PCDH9: variants seen among roughly 807,000 people sequenced by gnomAD.
The protein encoded by PCDH9 is protocadherin-9.
Under a neutral mutation model 70.6 loss-of-function variants are expected in PCDH9, and 24 were observed. The observed-to-expected ratio is 0.34, with a 90% confidence interval of 0.25 to 0.48. The LOEUF (loss-of-function observed/expected upper bound fraction) is 0.48, where lower values mean the gene tolerates loss of function less well. PCDH9 is among the 20% of genes least tolerant of loss of function. PCDH9 has a pLI of 0.99. For missense variants in PCDH9, 1,281 were observed against 1,503.6 expected (o/e 0.85, Z 2.45); for synonymous variants, 562 against 558.5 (o/e 1.01, Z -0.09).
intron 2 of PCDH9, among the ~76,000 whole-genome samples, chr13:67,084,364 T>C (rs528293586): frequency 3.3e-4 from 51 of 152,284 alleles, no homozygotes; most frequent in African/African-American, 1.1e-3. Flanking sequence ...TGACATTCTC[T>C]TCTGCTGATC....
intron 3 of PCDH9, among the ~76,000 whole-genome samples, chr13:66,808,167 A>T (rs1200766067): frequency 1.3e-5 from 2 of 152,212 alleles, no homozygotes; most frequent in African/African-American, 4.8e-5. Flanking sequence ...CATAGTCCAT[A>T]AGTCCATTTT....
At chr13:66,416,085 T>C (rs1338389462) in intron 4 of PCDH9, among the ~76,000 whole-genome samples, 2 of 152,164 alleles carry the variant, frequency 1.3e-5, no homozygotes, top group East Asian at 3.9e-4. Flanking sequence ...TTCAGTGAAG[T>C]CCAAACTGTT....
At chr13:66,370,844 C>T (rs538121438) in intron 4 of PCDH9, among the ~76,000 whole-genome samples, 24 of 152,114 alleles carry the variant, frequency 1.6e-4, no homozygotes, top group African/African-American at 5.5e-4. Context: ...ATAAACTCTT[C>T]CTTGCTATTT....
intron 2 of PCDH9, among the ~76,000 whole-genome samples, chr13:66,909,641 C>T (rs995329621): frequency 5.3e-5 from 8 of 151,894 alleles, no homozygotes; most frequent in East Asian, 1.9e-4. Flanking sequence ...TGGTGGCGGG[C>T]GCCTGTAGTC....
chr13:67,228,219 AGGG>A lies in PCDH9; in HGVS notation c.219_221del (p.Pro74del), dbSNP rs1481705858. On this transcript the variant is annotated inframe_deletion, in exon 2 of 5. Transcript: ENST00000377865. ...CAGTGCTGCTGGAAACTTTCACCAAAGGGGCATCCCCAGCTTTAGAAACCAGTC... is the reference window on the plus strand; with the variant it reads ...CAGTGCTGCTGGAAACTTTCACCAAAGCATCCCCAGCTTTAGAAACCAGTC... The A allele has an allele frequency of 6.2e-7, 1 of 1,612,466 alleles. No individual in the cohort carries two copies. The highest frequency in any genetic ancestry group is 1.3e-5 in the African/African-American group (1 of 74,822).
intron 4 of PCDH9, among the ~76,000 whole-genome samples, chr13:66,558,293 A>C (rs1961832269): frequency 6.6e-6 from 1 of 152,190 alleles, no homozygotes; most frequent in Admixed American, 6.5e-5. Context: ...CATTTTACAA[A>C]CTATTAAACA....
intron 2 of PCDH9, among the ~76,000 whole-genome samples, chr13:67,002,904 C>CTA (rs2084274129): frequency 6.6e-6 from 1 of 151,572 alleles, no homozygotes; most frequent in Non-Finnish European, 1.5e-5. Flanking sequence ...ACAGCAATTA[C>CTA]TAGTATTTTT....
Position 66,967,001 on chromosome 13 carries a change from A to G in PCDH9, c.3037-63396T>C, listed in dbSNP as rs376415212. Among the ~76,000 whole-genome samples, 37 of 152,200 alleles carry G rather than the reference A, an allele frequency of 2.4e-4. No individual in the cohort carries two copies. In the South Asian group the frequency reaches 7.3e-3, roughly 30 times the overall value. On this transcript the variant is annotated intron_variant, in intron 2 of 4. Transcript: ENST00000377865. Reference sequence around the variant, plus strand: ...ATGAATAAATAAACATATCAAATGCAAACTTCAGTGCTAAACTGGCAGATC... The same window carrying G: ...ATGAATAAATAAACATATCAAATGCGAACTTCAGTGCTAAACTGGCAGATC...
intron 4 of PCDH9, among the ~76,000 whole-genome samples, chr13:66,476,437 C>T (rs760376877): frequency 1.3e-5 from 2 of 151,960 alleles, no homozygotes; most frequent in Non-Finnish European, 2.9e-5. Context: ...TTATATATGA[C>T]GTTTCAATCT....
At chr13:66,370,459 C>T (rs978901091) in intron 4 of PCDH9, among the ~76,000 whole-genome samples, 2 of 151,188 alleles carry the variant, frequency 1.3e-5, no homozygotes, top group Non-Finnish European at 3.0e-5. Flanking sequence ...TTGCCATAAT[C>T]GTTTTGTTTC....
Position 66,633,975 on chromosome 13 carries a change from A to C in PCDH9, c.3139-2564T>G, listed in dbSNP as rs147103641. On this transcript the variant is annotated intron_variant, in intron 3 of 4. Transcript: ENST00000377865. ...CTGGTACAATGATTACACTGAAAAG[A>C]AAAACTAAAACATTGTTTTCCAAAA... Among the ~76,000 whole-genome samples, 634 of 152,344 alleles carry C rather than the reference A, an allele frequency of 4.2e-3. 19 individuals are homozygous for C. In the East Asian group the frequency reaches 0.08, roughly 19 times the overall value.
chr13:66,723,583 G>A (rs940561071), intron 3 of PCDH9, among the ~76,000 whole-genome samples: 3 of 152,146 alleles, frequency 2.0e-5, no homozygotes, highest in South Asian at 2.1e-4. Flanking sequence ...CAAGGATTTC[G>A]CTTGGAACCA....
chr13:67,181,140 T>A (rs532017858), intron 2 of PCDH9, among the ~76,000 whole-genome samples: 77 of 152,318 alleles, frequency 5.1e-4, no homozygotes, highest in African/African-American at 1.9e-3. Flanking sequence ...ATTAACATAA[T>A]GCTGGTTTTC....
At chr13:66,895,072 T>C (rs754711409) in intron 3 of PCDH9, among the ~76,000 whole-genome samples, 2 of 152,126 alleles carry the variant, frequency 1.3e-5, no homozygotes, top group Non-Finnish European at 2.9e-5. Context: ...CCTCCCAAAG[T>C]GCTGAGATTA....
intron 4 of PCDH9, among the ~76,000 whole-genome samples, chr13:66,499,953 A>G (rs763665274): frequency 2.6e-4 from 39 of 152,292 alleles, no homozygotes; most frequent in Non-Finnish European, 4.4e-4. Context: ...GCATGATTGA[A>G]AACTTACTAA....
At chr13:67,114,948 C>T (rs2086729354) in intron 2 of PCDH9, among the ~76,000 whole-genome samples, 1 of 152,112 alleles carries the variant, frequency 6.6e-6, no homozygotes, top group Non-Finnish European at 1.5e-5. Flanking sequence ...TAGTTGGTGT[C>T]CTTACACTTA....
chr13:66,346,845 G>A (rs1566258061), intron 4 of PCDH9, among the ~76,000 whole-genome samples: 1 of 152,136 alleles, frequency 6.6e-6, no homozygotes, highest in African/African-American at 2.4e-5. Flanking sequence ...GGCCCTCACA[G>A]CTCTGTGAAT....
At chr13:66,488,590 TA>T (rs200818637) in intron 4 of PCDH9, among the ~76,000 whole-genome samples, 11 of 150,592 alleles carry the variant, frequency 7.3e-5, no homozygotes, top group Non-Finnish European at 1.0e-4. Context: ...AATAATAGAG[TA>T]AAAAAAAATC....
chr13:66,511,566 T>A (rs1202324838), intron 4 of PCDH9, among the ~76,000 whole-genome samples: 2 of 152,070 alleles, frequency 1.3e-5, no homozygotes, highest in African/African-American at 2.4e-5. Flanking sequence ...AGTGTGGATG[T>A]TTTTCCTGCT....
Sources: gnomAD v4.1 joint callset for allele counts (sites outside exome capture counted in the v4.1 genomes callset) on GRCh38, gnomAD v4.1.1 for gene constraint, MANE v1.5 for transcripts, NCBI Gene and HGNC (gene_info 2026-07-23, HGNC 2026-07-21) for gene names.